The following TBPL1 variants were observed in gnomAD, a reference collection of about 807,000 sequenced individuals.
TBPL1 encodes TATA-box binding protein like 1.
TBPL1 carries 4 observed loss-of-function variants against 22.1 expected under a neutral mutation model. The ratio of observed to expected loss-of-function variants is 0.18; its 90% CI spans 0.09 to 0.41. The LOEUF (loss-of-function observed/expected upper bound fraction) is 0.41. Among genes scored for constraint, TBPL1 ranks in the 10% least tolerant of loss-of-function variants. The probability of loss-of-function intolerance (pLI) is 1.00; values close to 1 mark genes in which losing one functional copy is unlikely to be tolerated. For synonymous variants in TBPL1, 64 were observed against 71.0 expected (o/e 0.90, Z 0.50); for missense variants, 115 against 222.3 (o/e 0.52, Z 3.07).
intron 1 of TBPL1, among the ~76,000 whole-genome samples, chr6:133,969,838 T>C (rs1344961015): frequency 6.6e-6 from 1 of 152,236 alleles, no homozygotes; most frequent in African/African-American, 2.4e-5. Context: ...GAATTGATGA[T>C]AATTTATCTA....
chr6:133,959,206 A>AT (rs1288135776), intron 1 of TBPL1, among the ~76,000 whole-genome samples: 5 of 152,000 alleles, frequency 3.3e-5, no homozygotes, highest in African/African-American at 1.2e-4. Flanking sequence ...CGCCTAGCTA[A>AT]TTTTTATATT....
In TBPL1 at chr6:133,987,648, G is replaced by GTATATATATA. The variant is rs59102121; in HGVS notation, c.*618_*627dup. On this transcript the variant is annotated 3_prime_UTR_variant, in exon 7 of 7. Transcript: ENST00000237264. ...TTTGTGTGTGTGTGTGTGTGTGTGTGTATATATATATATATATATGCACCA... is the reference window on the plus strand; with the variant it reads ...TTTGTGTGTGTGTGTGTGTGTGTGTGTATATATATATATATATATATATATATATGCACCA... 147 of 88,380 alleles carry GTATATATATA rather than the reference G, an allele frequency of 1.7e-3. No individual in the cohort carries two copies. The highest frequency in any genetic ancestry group is 5.2e-3 in the African/African-American group (143 of 27,562). The allele number at this position is 88,380 out of a possible 1,614,324, so 5.5% of individuals were successfully genotyped here.
chr6:133,978,222 C>G (rs1776348676), intron 1 of TBPL1, among the ~76,000 whole-genome samples: 1 of 152,148 alleles, frequency 6.6e-6, no homozygotes, highest in South Asian at 2.1e-4. Context: ...GGAAGTAGTG[C>G]TAAGAAATCC....
chr6:133,955,496 G>C (rs942536623), intron 1 of TBPL1, among the ~76,000 whole-genome samples: 1 of 151,944 alleles, frequency 6.6e-6, no homozygotes, highest in African/African-American at 2.4e-5. Flanking sequence ...TTTATCTGTT[G>C]CATTTTCCTT....
chr6:133,957,148 A>C (rs753475000), intron 1 of TBPL1, among the ~76,000 whole-genome samples: 2 of 152,180 alleles, frequency 1.3e-5, no homozygotes, highest in African/African-American at 2.4e-5. Context: ...GAAGCATGCT[A>C]TGGATCCCAT....
rs528103465 is a variant in TBPL1 at position 133,987,362 on chromosome 6, C to G, written c.*322C>G. ...TTATTGTCGTCATTGTTATTTTTTT[C>G]CATTTTGAGCTAATGTGTTTTATTT... On this transcript the variant is annotated 3_prime_UTR_variant, in exon 7 of 7. Transcript: ENST00000237264. The G allele has an allele frequency of 6.0e-6, 1 of 165,742 alleles. No homozygotes were observed. Among genetic ancestry groups the G allele is most frequent in the South Asian group, 2.0e-4 (1 of 4,988 alleles). The allele number at this position is 165,742 out of a possible 1,614,324, so 10.3% of individuals were successfully genotyped here. A position where few individuals can be genotyped will look rare whatever the true frequency, so the allele number is the denominator to read the frequency against.
intron 1 of TBPL1, among the ~76,000 whole-genome samples, chr6:133,975,111 A>C (rs1294649103): frequency 6.6e-6 from 1 of 152,170 alleles, no homozygotes; most frequent in African/African-American, 2.4e-5. Flanking sequence ...TGGGCAAAAA[A>C]TTCACTAGAG....
chr6:133,986,346 AT>A (rs2114396179), intron 6 of TBPL1, among the ~76,000 whole-genome samples: 1 of 152,320 alleles, frequency 6.6e-6, no homozygotes, highest in South Asian at 2.1e-4. Flanking sequence ...GAAAGATTAC[AT>A]TTTTATAAAG....
chr6:133,976,018 C>T (rs1454421305), intron 1 of TBPL1, among the ~76,000 whole-genome samples: 2 of 151,932 alleles, frequency 1.3e-5, no homozygotes, highest in Admixed American at 6.6e-5. Flanking sequence ...AAACACATTC[C>T]CCTTGGAATC....
chr6:133,968,011 C>CT (rs535103637), intron 1 of TBPL1, among the ~76,000 whole-genome samples: 3,233 of 136,030 alleles, frequency 0.024, 33 homozygotes, highest in African/African-American at 0.028. Context: ...TGACTATTTT[C>CT]TTTTTTTTTT....
chr6:133,964,967 G>A (rs944933534), intron 1 of TBPL1, among the ~76,000 whole-genome samples: 12 of 152,114 alleles, frequency 7.9e-5, no homozygotes, highest in African/African-American at 2.4e-4. Context: ...TTCTTGATGA[G>A]TTATCAGTGC....
chr6:133,975,821 A>T lies in TBPL1; in HGVS notation c.-44-4261A>T, dbSNP rs9493781. ...GGAGGATGTGATTTGGAAGAACAGC[A>T]TGGGGAGGCATCAGTTGTATTGTAA... On this transcript the variant is annotated intron_variant, in intron 1 of 6. Coordinates refer to ENST00000237264, the MANE Select transcript of TBPL1 (RefSeq NM_004865.4). 8.7e-3 allele frequency among the ~76,000 whole-genome samples: 1,319 copies of T among 152,314 alleles called. 26 individuals carry two copies. The highest frequency in any genetic ancestry group is 0.03 in the African/African-American group (1,236 of 41,564).
At chr6:133,967,927 A>G (rs1415192170) in intron 1 of TBPL1, among the ~76,000 whole-genome samples, 1 of 152,140 alleles carries the variant, frequency 6.6e-6, no homozygotes, top group African/African-American at 2.4e-5. Context: ...AGACAAATAT[A>G]TGGATTTAGA....
rs566214270 is a variant in TBPL1, at chr6:133,966,068, CAGAG to C, written c.-45+12649_-45+12652del. Among the ~76,000 whole-genome samples, 51 of 152,152 alleles carry C rather than the reference CAGAG, an allele frequency of 3.4e-4. No homozygotes were observed. In the South Asian group the frequency reaches 5.0e-3, roughly 15 times the overall value. On this transcript the variant is annotated intron_variant, in intron 1 of 6. Coordinates refer to ENST00000237264, the MANE Select transcript of TBPL1 (RefSeq NM_004865.4). ...CTGCTGAGCTCTTCAACTTCAGAGA[CAGAG>C]AGAGACAGAAAGAAACAGAGAGAGA...
chr6:133,954,002 A>C lies in TBPL1; in HGVS notation c.-45+577A>C, dbSNP rs190156066. On this transcript the variant is annotated intron_variant, in intron 1 of 6. Coordinates refer to ENST00000237264, the MANE Select transcript of TBPL1 (RefSeq NM_004865.4). ...AGAAGGATCTAGAACTGAAGAAGAG[A>C]AAATGAATTGTGGGTAGGGCTAAGC... Among the ~76,000 whole-genome samples the C allele has an allele frequency of 5.4e-3, 819 of 152,322 alleles. 5 individuals carry two copies. The highest frequency in any genetic ancestry group is 0.018 in the African/African-American group (754 of 41,584).
chr6:133,963,990 G>C (rs145377349), intron 1 of TBPL1, among the ~76,000 whole-genome samples: 2 of 152,086 alleles, frequency 1.3e-5, no homozygotes, highest in Non-Finnish European at 2.9e-5. Flanking sequence ...GCAATGAGCC[G>C]AGATCGTGAC....
chr6:133,967,846 A>G (rs967865791), intron 1 of TBPL1, among the ~76,000 whole-genome samples: 1 of 152,194 alleles, frequency 6.6e-6, no homozygotes, highest in African/African-American at 2.4e-5. Context: ...CAGGTTGTCC[A>G]AGATTTTTAT....
chr6:133,985,481 C>T (rs1776503325), intron 6 of TBPL1, among the ~76,000 whole-genome samples: 1 of 149,554 alleles, frequency 6.7e-6, no homozygotes, highest in Non-Finnish European at 1.5e-5. Flanking sequence ...ATAATTGGTA[C>T]CTGTTTGTTA....
chr6:133,980,434 G>A (rs1176256532), intron 2 of TBPL1, among the ~76,000 whole-genome samples, 174 bp downstream of exon 2: 1 of 152,158 alleles, frequency 6.6e-6, no homozygotes, highest in African/African-American at 2.4e-5. Flanking sequence ...GGAGGTGCAA[G>A]CTTTTGTACA....
Sources: allele counts gnomAD v4.1 joint callset (sites outside exome capture counted in the v4.1 genomes callset), GRCh38; gene constraint gnomAD v4.1.1; transcripts MANE v1.5; gene names NCBI Gene and HGNC (gene_info 2026-07-23, HGNC 2026-07-21).